TSG101: variants seen among roughly 807,000 people sequenced by gnomAD.
TSG101 encodes the protein tumor susceptibility gene 101 protein.
Under a neutral mutation model 48.5 loss-of-function variants are expected in TSG101, and 19 were observed. That is an observed-to-expected ratio of 0.39 (90% CI 0.27 to 0.58). TSG101 has a LOEUF of 0.58. Ranked by LOEUF, TSG101 falls within the 20% of genes least tolerant of loss-of-function variation. The pLI is 0.55. For synonymous variants in TSG101, 174 were observed against 169.4 expected (o/e 1.03, Z -0.21); for missense variants, 365 against 484.4 (o/e 0.75, Z 2.31).
intron 1 of TSG101, among the ~76,000 whole-genome samples, chr11:18,525,011 A>G (rs1371922493): frequency 1.3e-5 from 2 of 151,282 alleles, no homozygotes; most frequent in African/African-American, 4.9e-5. Context: ...CCCAGGTTCA[A>G]GCGATTCTCC....
chr11:18,481,696 T>C lies in TSG101; in HGVS notation c.1017A>G (p.Glu339=). 6.2e-7 allele frequency: 1 copy of C among 1,614,176 alleles called. No individual in the cohort carries two copies. Among genetic ancestry groups the C allele is most frequent in the Non-Finnish European group, 8.5e-7 (1 of 1,180,034 alleles). ...CTTCTCCCAAGTAAAAGATAGTGTC[T>C]TCAATAGCGTTTTCTTCTGCATACA... The part of the protein sequence containing the change: ...LNLYAEENAI[E]DTIFYLGEAL... The change falls in exon 9 of 10, where the codon GAA becomes GAG. Residue 339 remains glutamate, a synonymous_variant. Transcript: ENST00000251968.
intron 7 of TSG101, among the ~76,000 whole-genome samples, chr11:18,488,718 A>T (rs1352061685): frequency 6.6e-6 from 1 of 152,144 alleles, no homozygotes; most frequent in African/African-American, 2.4e-5. Flanking sequence ...ATACAGCATT[A>T]AAAAGTGAAC....
Position 18,526,879 on chromosome 11 carries a change from G to C in TSG101, c.-63C>G. ...GGTCAGCCGCTGCTGGGCTGCCCCAGACCGTCCCACACAATCGCACACCCC... is the reference window on the plus strand; with the variant it reads ...GGTCAGCCGCTGCTGGGCTGCCCCACACCGTCCCACACAATCGCACACCCC... On this transcript the variant is annotated 5_prime_UTR_variant, in exon 1 of 10. Transcript: ENST00000251968. The C allele has an allele frequency of 1.3e-6, 2 of 1,557,740 alleles. No homozygotes were observed. Among genetic ancestry groups the C allele is most frequent in the Non-Finnish European group, 1.7e-6 (2 of 1,154,314 alleles).
intron 8 of TSG101, among the ~76,000 whole-genome samples, chr11:18,483,643 A>C (rs949212958): frequency 6.6e-6 from 1 of 152,186 alleles, no homozygotes; most frequent in African/African-American, 2.4e-5. Context: ...AACTAATACA[A>C]GGTGCAAACA....
chr11:18,505,243 C>T (rs1208165865), intron 6 of TSG101, among the ~76,000 whole-genome samples: 1 of 151,148 alleles, frequency 6.6e-6, no homozygotes, highest in Non-Finnish European at 1.5e-5. Context: ...CTCATCTTGG[C>T]ATCAGTATAT....
At chr11:18,516,044 A>G (rs1850164058) in intron 3 of TSG101, 55 bp downstream of exon 3, 1 of 1,491,278 alleles carries the variant, frequency 6.7e-7, no homozygotes. Context: ...CTTTGGCAAC[A>G]TATTTATTAT....
intron 6 of TSG101, among the ~76,000 whole-genome samples, chr11:18,506,382 C>G (rs1452968590): frequency 1.9e-5 from 2 of 107,440 alleles, no homozygotes; most frequent in African/African-American, 5.3e-5. Context: ...TTATAATACT[C>G]TCTTCTTTTA....
At chr11:18,484,373 C>T (rs895933459) in intron 7 of TSG101, among the ~76,000 whole-genome samples, 2 of 152,198 alleles carry the variant, frequency 1.3e-5, no homozygotes, top group African/African-American at 4.8e-5. Flanking sequence ...CTACCAATTA[C>T]AATTATTCCT....
rs527929375 is a variant in TSG101, at chr11:18,512,135, T to C, written c.358-2470A>G. Among the ~76,000 whole-genome samples the C allele has an allele frequency of 3.3e-5, 5 of 152,268 alleles. No homozygotes were observed. In the South Asian group the frequency reaches 1.0e-3, roughly 32 times the overall value. Reference sequence around the variant, plus strand: ...GAATTCAAACTGAGGCGAGGCACAATGGCTCACACCTGTAATCCCAGCACT... The same window carrying C: ...GAATTCAAACTGAGGCGAGGCACAACGGCTCACACCTGTAATCCCAGCACT... On this transcript the variant is annotated intron_variant, in intron 4 of 9. Coordinates refer to ENST00000251968, the MANE Select transcript of TSG101 (RefSeq NM_006292.4).
intron 8 of TSG101, 90 bp downstream of exon 8, chr11:18,483,780 C>G: frequency 7.2e-7 from 1 of 1,389,574 alleles, no homozygotes; most frequent in Non-Finnish European, 1.0e-6. Context: ...TGAACTCCTA[C>G]TATGCCCACA....
chr11:18,500,537 ATTATAT>A (rs1849871516), intron 7 of TSG101, among the ~76,000 whole-genome samples: 1 of 151,880 alleles, frequency 6.6e-6, no homozygotes, highest in African/African-American at 2.4e-5. Flanking sequence ...CTGGGATAAG[ATTATAT>A]TTCTTTGTGG....
intron 8 of TSG101, 99 bp downstream of exon 8, chr11:18,483,771 G>T: frequency 7.9e-7 from 1 of 1,260,828 alleles, no homozygotes; most frequent in Non-Finnish European, 1.1e-6. Flanking sequence ...ATAATTTTCT[G>T]AACTCCTACT....
At chr11:18,497,979 C>A (rs1401345292) in intron 7 of TSG101, among the ~76,000 whole-genome samples, 1 of 151,832 alleles carries the variant, frequency 6.6e-6, no homozygotes, top group Admixed American at 6.6e-5. Flanking sequence ...GAAAAATAAA[C>A]TTCACAAGAT....
intron 7 of TSG101, among the ~76,000 whole-genome samples, chr11:18,488,197 C>CT (rs1246191012): frequency 7.9e-5 from 12 of 152,176 alleles, no homozygotes. Flanking sequence ...CAAGGGCCAA[C>CT]TATTAACTGC....
intron 2 of TSG101, 110 bp downstream of exon 2, chr11:18,519,409 C>T (rs907109949): frequency 1.2e-6 from 1 of 812,566 alleles, no homozygotes; most frequent in Non-Finnish European, 2.0e-6. Context: ...GGCGGTGGTG[C>T]AATCCCACAA....
chr11:18,521,945 T>C (rs545067862), intron 1 of TSG101, among the ~76,000 whole-genome samples: 1 of 152,314 alleles, frequency 6.6e-6, no homozygotes, highest in African/African-American at 2.4e-5. Context: ...CCCACAGTGT[T>C]GGGATTACAG....
intron 7 of TSG101, among the ~76,000 whole-genome samples, chr11:18,496,885 G>A (rs1375571210): frequency 2.0e-5 from 3 of 152,132 alleles, no homozygotes; most frequent in Non-Finnish European, 2.9e-5. Flanking sequence ...AGGAGTTGCA[G>A]TTGGAGATCA....
intron 7 of TSG101, among the ~76,000 whole-genome samples, chr11:18,495,102 C>A (rs1199901474): frequency 3.3e-5 from 5 of 152,154 alleles, no homozygotes; most frequent in Non-Finnish European, 5.9e-5. Context: ...GTTAATAGCA[C>A]CCTTCCAAAC....
At chr11:18,520,902 G>C (rs1014396148) in intron 1 of TSG101, among the ~76,000 whole-genome samples, 1 of 151,876 alleles carries the variant, frequency 6.6e-6, no homozygotes, top group Non-Finnish European at 1.5e-5. Context: ...GTGGTGGTCC[G>C]CACCTATAAT....
Sources: allele counts gnomAD v4.1 joint callset (sites outside exome capture counted in the v4.1 genomes callset), GRCh38; gene constraint gnomAD v4.1.1; transcripts MANE v1.5; gene names NCBI Gene and HGNC (gene_info 2026-07-23, HGNC 2026-07-21).